The following SLCO5A1 variants were observed in gnomAD, a reference collection of about 807,000 sequenced individuals.
The protein encoded by SLCO5A1 is solute carrier organic anion transporter family member 5A1.
A neutral mutation model predicts 65.1 loss-of-function variants in SLCO5A1; 39 were observed. The observed-to-expected ratio is 0.60, with a 90% CI of 0.46 to 0.78. The LOEUF is 0.78. Among genes scored for constraint, SLCO5A1 ranks in the 30% least tolerant of loss-of-function variants. The pLI is 0.00. For missense variants in SLCO5A1, 1,029 were observed against 1,069.4 expected, an observed-to-expected ratio of 0.96 and a Z score of 0.53; for synonymous variants, 438 against 415.7, an observed-to-expected ratio of 1.05 and a Z score of -0.65.
intron 2 of SLCO5A1, among the ~76,000 whole-genome samples, chr8:69,824,504 C>T (rs1182851450): frequency 5.9e-5 from 9 of 152,210 alleles, no homozygotes; most frequent in East Asian, 1.9e-4. Flanking sequence ...AACACCTCTC[C>T]GCAAATAAAC....
chr8:69,711,012 GTC>G (rs1815219777), intron 5 of SLCO5A1, among the ~76,000 whole-genome samples: 1 of 151,586 alleles, frequency 6.6e-6, no homozygotes, highest in East Asian at 2.0e-4. Flanking sequence ...CCTTCATACT[GTC>G]CCCCCCACTC....
intron 6 of SLCO5A1, 110 bp downstream of exon 6, chr8:69,704,921 G>A: frequency 2.0e-6 from 2 of 1,005,624 alleles, no homozygotes; most frequent in Non-Finnish European, 3.0e-6. Flanking sequence ...AGCACACACA[G>A]GGAGAACAGC....
At chr8:69,767,505 G>A (rs1378656586) in intron 2 of SLCO5A1, among the ~76,000 whole-genome samples, 1 of 152,196 alleles carries the variant, frequency 6.6e-6, no homozygotes, top group Non-Finnish European at 1.5e-5. Flanking sequence ...AAGCTGAGAT[G>A]ATAGAAATAT....
intron 2 of SLCO5A1, among the ~76,000 whole-genome samples, chr8:69,816,844 A>G (rs546647617): frequency 6.6e-6 from 1 of 152,306 alleles, no homozygotes; most frequent in African/African-American, 2.4e-5. Flanking sequence ...CACATTATTT[A>G]ACATGTGCTA....
chr8:69,738,334 A>G (rs1440688552), intron 4 of SLCO5A1, 130 bp from the exon 5 acceptor site: 2 of 844,482 alleles, frequency 2.4e-6, no homozygotes, highest in Admixed American at 6.7e-5. Flanking sequence ...ATAAAAATAG[A>G]AAGATCTGAT....
At position 69,673,015 on chromosome 8, in the gene SLCO5A1, G is replaced by C. The variant is rs374822545; in HGVS notation, c.2401C>G (p.Gln801Glu). 10 of 1,614,080 alleles carry C rather than the reference G, an allele frequency of 6.2e-6. No individual in the cohort carries two copies. Among genetic ancestry groups the C allele is most frequent in the Non-Finnish European group, 7.6e-6 (9 of 1,180,042 alleles). Residue 801 changes from glutamine (Q) to glutamate (E), a missense_variant, in exon 10 of 10, where the codon CAG becomes GAG. This residue lies in a region of SLCO5A1 where 258 missense variants were observed against 237.4 expected (regional missense o/e 1.09). Transcript: ENST00000260126. ...RTRSCPAFSTQGEFHEETGLQ... is the reference protein window; with the variant it reads ...RTRSCPAFSTEGEFHEETGLQ... The stretch of plus-strand genomic sequence containing the variant: ...CCAGTCTCTTCGTGGAATTCTCCCT[G>C]GGTGCTGAAAGCTGGGCAAGATCTA...
At chr8:69,769,028 T>C (rs1818199266) in intron 2 of SLCO5A1, among the ~76,000 whole-genome samples, 2 of 152,188 alleles carry the variant, frequency 1.3e-5, no homozygotes, top group South Asian at 4.1e-4. Context: ...CCCTTCAGGC[T>C]TGACCTAGTC....
intron 6 of SLCO5A1, among the ~76,000 whole-genome samples, chr8:69,690,208 G>A (rs1304035425): frequency 6.6e-6 from 1 of 152,144 alleles, no homozygotes; most frequent in Non-Finnish European, 1.5e-5. Context: ...TAGGGACAGT[G>A]GGAATCTCGT....
At chr8:69,727,907 G>A (rs1276579448) in intron 5 of SLCO5A1, among the ~76,000 whole-genome samples, 3 of 152,150 alleles carry the variant, frequency 2.0e-5, no homozygotes, top group Admixed American at 6.5e-5. Context: ...CTCTGCCAGC[G>A]CAAACGCAAA....
intron 5 of SLCO5A1, among the ~76,000 whole-genome samples, chr8:69,732,867 G>A (rs1816397158): frequency 2.0e-5 from 3 of 151,524 alleles, no homozygotes; most frequent in Admixed American, 6.6e-5. Context: ...CCAGCCTGGC[G>A]ACAGAGCGAG....
chr8:69,807,230 CATA>C (rs1820031510), intron 2 of SLCO5A1, among the ~76,000 whole-genome samples: 1 of 152,088 alleles, frequency 6.6e-6, no homozygotes, highest in Admixed American at 6.6e-5. Flanking sequence ...TTTTAATTGA[CATA>C]ATAATTGTAT....
At chr8:69,780,022 A>G (rs1818728124) in intron 2 of SLCO5A1, among the ~76,000 whole-genome samples, 1 of 151,618 alleles carries the variant, frequency 6.6e-6, no homozygotes, top group Non-Finnish European at 1.5e-5. Flanking sequence ...CAGAAGGCAT[A>G]TAAATGGCCT....
In SLCO5A1 at chr8:69,761,684, C is replaced by T. The variant is rs1323288782; in HGVS notation, c.1040+59G>A. ...GGAAAAATTTTAAATACAAGTGTAC[C>T]ATGACTTTAACTATTATTAGTAAGA... On this transcript the variant is annotated intron_variant, in intron 3 of 9. Coordinates refer to ENST00000260126, the MANE Select transcript of SLCO5A1 (RefSeq NM_030958.3). The T allele has an allele frequency of 1.9e-6, 3 of 1,570,764 alleles. No homozygotes were observed. The African/African-American group carries it at 4.1e-5, about 22-fold the overall frequency.
At chr8:69,834,779 C>CACACAG (rs1275343867) in intron 1 of SLCO5A1, 75 bp downstream of exon 1, 1 of 147,330 alleles carries the variant, frequency 6.8e-6, no homozygotes, top group Non-Finnish European at 1.5e-5. Flanking sequence ...CACACACACA[C>CACACAG]AGAGCCCGTG....
At chr8:69,756,231 C>G (rs1817537133) in intron 3 of SLCO5A1, among the ~76,000 whole-genome samples, 1 of 151,994 alleles carries the variant, frequency 6.6e-6, no homozygotes. Context: ...ATGGTGAAAC[C>G]CTGTCTCTAC....
intron 3 of SLCO5A1, among the ~76,000 whole-genome samples, chr8:69,761,096 C>G (rs1208294240): frequency 6.6e-6 from 1 of 152,188 alleles, no homozygotes; most frequent in African/African-American, 2.4e-5. Flanking sequence ...AAAGTCCCCA[C>G]GCAGCCACAG....
chr8:69,785,757 C>T (rs149151022), intron 2 of SLCO5A1, among the ~76,000 whole-genome samples: 2 of 152,182 alleles, frequency 1.3e-5, no homozygotes. Context: ...TGAAATCACA[C>T]TTTAACCCAA....
At chr8:69,767,217 A>T (rs1818097445) in intron 2 of SLCO5A1, among the ~76,000 whole-genome samples, 1 of 152,208 alleles carries the variant, frequency 6.6e-6, no homozygotes, top group Non-Finnish European at 1.5e-5. Flanking sequence ...CAGGCAATGG[A>T]GTGCCCACTC....
At chr8:69,777,571 C>G (rs1818613641) in intron 2 of SLCO5A1, among the ~76,000 whole-genome samples, 1 of 152,090 alleles carries the variant, frequency 6.6e-6, no homozygotes, top group Non-Finnish European at 1.5e-5. Flanking sequence ...TCCAATATAA[C>G]AATTACCCAC....
Sources: allele counts gnomAD v4.1 joint callset (sites outside exome capture counted in the v4.1 genomes callset), GRCh38; gene constraint gnomAD v4.1.1; regional missense constraint gnomAD v4.1.1; transcripts MANE v1.5; gene names NCBI Gene and HGNC (gene_info 2026-07-23, HGNC 2026-07-21).